The following KCNMB2 variants were observed in gnomAD, a reference collection of about 807,000 sequenced individuals.
KCNMB2 encodes potassium calcium-activated channel subfamily M regulatory beta subunit 2.
KCNMB2 carries 9 observed loss-of-function variants against 24.5 expected under a neutral mutation model. The observed-to-expected ratio is 0.37, with a 90% CI of 0.22 to 0.64. The LOEUF (loss-of-function observed/expected upper bound fraction) is 0.64. Ranked by LOEUF, KCNMB2 falls within the 30% of genes least tolerant of loss-of-function variation. The pLI is 0.63. For synonymous variants in KCNMB2, 109 were observed against 104.4 expected, an observed-to-expected ratio of 1.04 and a Z score of -0.27; for missense variants, 226 against 284.3, an observed-to-expected ratio of 0.79 and a Z score of 1.47.
intron 1 of KCNMB2, among the ~76,000 whole-genome samples, chr3:178,686,441 C>T (rs1560166427): frequency 1.3e-5 from 2 of 152,106 alleles, no homozygotes; most frequent in African/African-American, 2.4e-5. Flanking sequence ...CCTCTCTGTG[C>T]CCTGTGTCTT....
At chr3:178,546,415 G>C (rs578211481) in intron 1 of KCNMB2, among the ~76,000 whole-genome samples, 51 of 152,278 alleles carry the variant, frequency 3.3e-4, no homozygotes, top group African/African-American at 9.1e-4. Flanking sequence ...GGCACATGAT[G>C]GTGTTTAAGT....
chr3:178,636,835 A>G (rs942570018), intron 1 of KCNMB2, among the ~76,000 whole-genome samples: 10 of 77,130 alleles, frequency 1.3e-4, no homozygotes, highest in African/African-American at 6.5e-4. Context: ...TGCACAGATC[A>G]TTCCACCACC....
chr3:178,537,955 A>G (rs1422326927), intron 1 of KCNMB2, among the ~76,000 whole-genome samples: 1 of 152,238 alleles, frequency 6.6e-6, no homozygotes, highest in Admixed American at 6.5e-5. Context: ...TAAAACTTCC[A>G]TACTAATGCA....
chr3:178,691,728 G>A (rs1239451069), intron 1 of KCNMB2, among the ~76,000 whole-genome samples: 1 of 151,714 alleles, frequency 6.6e-6, no homozygotes, highest in Non-Finnish European at 1.5e-5. Context: ...ACGCATGCAT[G>A]TGTCTTTATA....
At chr3:178,634,421 G>A (rs559836202) in intron 1 of KCNMB2, among the ~76,000 whole-genome samples, 1 of 152,182 alleles carries the variant, frequency 6.6e-6, no homozygotes, top group Non-Finnish European at 1.5e-5. Flanking sequence ...ATGGCAGAAG[G>A]GGAAGCAAAC....
chr3:178,716,441 AT>A (rs35949431), intron 1 of KCNMB2, among the ~76,000 whole-genome samples: 20,596 of 128,470 alleles, frequency 0.16, 971 homozygotes, highest in Middle Eastern at 0.19. Flanking sequence ...TAAAACCTGC[AT>A]TTTTTTTTTT....
chr3:178,756,289 T>A (rs1010282929), intron 1 of KCNMB2, among the ~76,000 whole-genome samples: 1 of 151,712 alleles, frequency 6.6e-6, no homozygotes, highest in Non-Finnish European at 1.5e-5. Context: ...TAGAGAAAAG[T>A]ATGTATATGG....
At chr3:178,751,548 C>T (rs1188147380) in intron 1 of KCNMB2, among the ~76,000 whole-genome samples, 6 of 135,018 alleles carry the variant, frequency 4.4e-5, no homozygotes, top group South Asian at 2.3e-4. Context: ...CACTCCAGCC[C>T]GAGCAACAGT....
intron 1 of KCNMB2, among the ~76,000 whole-genome samples, chr3:178,704,420 G>C (rs1722208801): frequency 6.6e-6 from 1 of 152,070 alleles, no homozygotes; most frequent in African/African-American, 2.4e-5. Context: ...GTAGTCATTA[G>C]CCAAACAAGG....
At chr3:178,601,202 G>A (rs999316731) in intron 1 of KCNMB2, among the ~76,000 whole-genome samples, 2 of 151,516 alleles carry the variant, frequency 1.3e-5, no homozygotes, top group East Asian at 3.9e-4. Context: ...CAGGGGGTTG[G>A]GGGGGAAGGG....
intron 4 of KCNMB2, among the ~76,000 whole-genome samples, chr3:178,841,809 A>T (rs1173807647): frequency 6.6e-6 from 1 of 152,208 alleles, no homozygotes; most frequent in Non-Finnish European, 1.5e-5. Flanking sequence ...ATTTGGGTGG[A>T]GACACAGAGC....
At position 178,575,049 on chromosome 3, in the gene KCNMB2, C is replaced by T. The variant is rs562641064; in HGVS notation, c.-68+38338C>T. 1.6e-4 allele frequency among the ~76,000 whole-genome samples: 25 copies of T among 152,266 alleles called. No homozygotes were observed. The South Asian group carries it at 1.7e-3, about 10-fold the overall frequency. ...CGCCACTGCACTCAAGCCTGGGCAACAGAACAAGACTCTGTCTATAAATAA... is the reference window on the plus strand; with the variant it reads ...CGCCACTGCACTCAAGCCTGGGCAATAGAACAAGACTCTGTCTATAAATAA... On this transcript the variant is annotated intron_variant, in intron 1 of 4. Transcript: ENST00000452583.
chr3:178,787,108 T>C (rs1027433424), intron 1 of KCNMB2, among the ~76,000 whole-genome samples: 1 of 151,048 alleles, frequency 6.6e-6, no homozygotes, highest in Admixed American at 6.6e-5. Context: ...CTCACTCTTT[T>C]CTTTGTGCCT....
At chr3:178,606,857 C>T (rs182723993) in intron 1 of KCNMB2, among the ~76,000 whole-genome samples, 5 of 152,236 alleles carry the variant, frequency 3.3e-5, no homozygotes, top group South Asian at 2.1e-4. Context: ...GCTTCAATCT[C>T]GGGAAATACA....
intron 1 of KCNMB2, among the ~76,000 whole-genome samples, chr3:178,690,430 A>G (rs1223520798): frequency 6.6e-6 from 1 of 152,038 alleles, no homozygotes; most frequent in African/African-American, 2.4e-5. Flanking sequence ...CTGATTTAGG[A>G]GAGAAGTGTG....
At chr3:178,646,017 C>T (rs1719910607) in intron 1 of KCNMB2, among the ~76,000 whole-genome samples, 1 of 152,100 alleles carries the variant, frequency 6.6e-6, no homozygotes, top group Admixed American at 6.6e-5. Context: ...CAGACCCTCG[C>T]GTCTCACATC....
chr3:178,649,501 CT>C (rs10711859), intron 1 of KCNMB2, among the ~76,000 whole-genome samples: 78,172 of 149,122 alleles, frequency 0.52, 20,917 homozygotes, highest in African/African-American at 0.67. Context: ...TAGTCCTGGG[CT>C]TTTTTTTTTG....
chr3:178,659,928 A>G (rs1159456992), intron 1 of KCNMB2, among the ~76,000 whole-genome samples: 1 of 152,104 alleles, frequency 6.6e-6, no homozygotes, highest in East Asian at 1.9e-4. Flanking sequence ...TGTTTTTAAG[A>G]GACCACTTTC....
intron 1 of KCNMB2, among the ~76,000 whole-genome samples, chr3:178,542,149 G>A (rs1322947612): frequency 1.3e-5 from 2 of 152,182 alleles, no homozygotes; most frequent in Non-Finnish European, 2.9e-5. Context: ...TTCTATAGAA[G>A]TAACTTGTCT....
Sources: allele counts gnomAD v4.1 joint callset (sites outside exome capture counted in the v4.1 genomes callset), GRCh38; gene constraint gnomAD v4.1.1; transcripts MANE v1.5; gene names NCBI Gene and HGNC (gene_info 2026-07-23, HGNC 2026-07-21).